Variants in KRAS observed in about 807,000 individuals in gnomAD.
The protein encoded by KRAS is KRas proto-oncogene, GTPase, also known as GTPase KRas.
Under a neutral mutation model 21.0 loss-of-function variants are expected in KRAS, and 1 was observed. The ratio of observed to expected loss-of-function variants is 0.05; its 90% CI spans 0.02 to 0.23. The LOEUF (loss-of-function observed/expected upper bound fraction) is 0.23, where lower values mean the gene tolerates loss of function less well. Ranked by LOEUF, KRAS falls within the 10% of genes least tolerant of loss-of-function variation. The pLI is 1.00. For missense variants in KRAS, 107 were observed against 221.8 expected, an observed-to-expected ratio of 0.48 and a Z score of 3.29; for synonymous variants, 67 against 72.5, an observed-to-expected ratio of 0.92 and a Z score of 0.39.
intron 2 of KRAS, among the ~76,000 whole-genome samples, chr12:25,242,936 G>A (rs886758978): frequency 2.0e-5 from 3 of 152,036 alleles, no homozygotes; most frequent in African/African-American, 7.2e-5. Context: ...CTATCTCTTA[G>A]TGTAAATTTT....
chr12:25,248,872 G>A (rs1030895881), intron 1 of KRAS, among the ~76,000 whole-genome samples: 3 of 152,180 alleles, frequency 2.0e-5, no homozygotes, highest in Non-Finnish European at 4.4e-5. Flanking sequence ...GATGGCTACA[G>A]TCTCAAAGTA....
At chr12:25,226,400 AAC>A (rs1245026777) in intron 3 of KRAS, among the ~76,000 whole-genome samples, 2 of 152,204 alleles carry the variant, frequency 1.3e-5, no homozygotes, top group Admixed American at 6.6e-5. Flanking sequence ...CAGAGCAGAC[AAC>A]AGAGTCAGAA....
chr12:25,210,976 A>G (rs1951195515), intron 4 of KRAS: 1 of 152,190 alleles, frequency 6.6e-6, no homozygotes, highest in Non-Finnish European at 1.5e-5. Context: ...AAATATAAAT[A>G]AAAGCAAAAA....
At chr12:25,222,352 AGAAGCATG>A (rs1816635170) in intron 4 of KRAS, among the ~76,000 whole-genome samples, 1 of 152,130 alleles carries the variant, frequency 6.6e-6, no homozygotes, top group South Asian at 2.1e-4. Context: ...AAAGTCTTCC[AGAAGCATG>A]CAAATATCAA....
chr12:25,239,811 G>A (rs1951589413), intron 2 of KRAS, among the ~76,000 whole-genome samples: 1 of 152,034 alleles, frequency 6.6e-6, no homozygotes, highest in Non-Finnish European at 1.5e-5. Flanking sequence ...AAAGTAATTG[G>A]GTGTGGTGGT....
intron 4 of KRAS, among the ~76,000 whole-genome samples, chr12:25,213,409 A>C (rs566482623): frequency 7.4e-4 from 112 of 152,368 alleles, no homozygotes; most frequent in South Asian, 1.9e-3. Context: ...GTTATTTAAA[A>C]TGTGTAACTT....
At chr12:25,216,894 T>C (rs930939142) in intron 4 of KRAS, among the ~76,000 whole-genome samples, 12 of 152,178 alleles carry the variant, frequency 7.9e-5, no homozygotes, top group African/African-American at 2.9e-4. Context: ...AATTAAAAGA[T>C]GTAATATTAT....
At position 25,213,817 on chromosome 12, in the gene KRAS, A is replaced by G. The variant is rs186794910; in HGVS notation, c.451-3906T>C. Among the ~76,000 whole-genome samples the G allele has an allele frequency of 1.2e-4, 18 of 152,348 alleles. No individual in the cohort carries two copies. The East Asian group carries it at 2.9e-3, about 24-fold the overall frequency. On this transcript the variant is annotated intron_variant, in intron 4 of 4. Coordinates refer to ENST00000311936, the MANE Select transcript of KRAS (RefSeq NM_004985.5). ...CTTAAGCTCTGCCATGAACTTTATG[A>G]TACCTAGTGAAGTATTTTCTGAGCA...
rs1367198683 is a variant in KRAS, at chr12:25,205,775, C to T, written c.*4020G>A. 4.6e-6 allele frequency: 1 copy of T among 218,008 alleles called. No individual in the cohort carries two copies. Among genetic ancestry groups the T allele is most frequent in the Non-Finnish European group, 9.2e-6 (1 of 108,588 alleles). The allele number at this position is 218,008 out of a possible 1,614,324, so 13.5% of individuals were successfully genotyped here. A position where few individuals can be genotyped will look rare whatever the true frequency, so the allele number is the denominator to read the frequency against. On this transcript the variant is annotated 3_prime_UTR_variant, in exon 5 of 5. Transcript: ENST00000311936. ...CTAAATTACCTATCATTATCCCAAA[C>T]AGGCACTTCAAACTATTAAACTAAA...
chr12:25,224,183 TAAAAAA>T (rs5797121), intron 4 of KRAS, among the ~76,000 whole-genome samples: 1 of 79,712 alleles, frequency 1.3e-5, no homozygotes, highest in Non-Finnish European at 2.4e-5. Flanking sequence ...TCCTATTTAC[TAAAAAA>T]AAAAAAAAAA....
intron 1 of KRAS, among the ~76,000 whole-genome samples, chr12:25,249,300 G>A (rs1449266600): frequency 6.6e-6 from 1 of 152,192 alleles, no homozygotes; most frequent in Non-Finnish European, 1.5e-5. Context: ...GGGAGGCTGA[G>A]GCAGGAGAAT....
intron 2 of KRAS, among the ~76,000 whole-genome samples, chr12:25,240,116 C>G (rs1471007004): frequency 6.6e-6 from 1 of 152,048 alleles, no homozygotes; most frequent in Non-Finnish European, 1.5e-5. Flanking sequence ...CTCAGCCTCC[C>G]AAAGTGCTAA....
chr12:25,221,234 C>CTT (rs34499686), intron 4 of KRAS, among the ~76,000 whole-genome samples: 24 of 138,884 alleles, frequency 1.7e-4, no homozygotes, highest in South Asian at 9.1e-4. Context: ...CAGCCACAGC[C>CTT]TTTTTTTTTT....
intron 4 of KRAS, among the ~76,000 whole-genome samples, chr12:25,214,899 T>C (rs1442499754): frequency 6.6e-6 from 1 of 152,136 alleles, no homozygotes; most frequent in African/African-American, 2.4e-5. Flanking sequence ...CATCCTAAAA[T>C]TCCCAGGTTT....
chr12:25,235,518 G>C (rs1030807536), intron 2 of KRAS, among the ~76,000 whole-genome samples: 1 of 152,100 alleles, frequency 6.6e-6, no homozygotes, highest in Admixed American at 6.5e-5. Context: ...ACATTATATA[G>C]TTTCTGACCT....
intron 2 of KRAS, among the ~76,000 whole-genome samples, chr12:25,243,912 C>T (rs746655214): frequency 7.2e-5 from 11 of 152,150 alleles, no homozygotes; most frequent in Non-Finnish European, 1.3e-4. Flanking sequence ...TTAGACTGTT[C>T]CCCTTTACTG....
chr12:25,242,572 C>T lies in KRAS; in HGVS notation c.111+2702G>A, dbSNP rs1051771220. ...AGATAACAATATATACTTCACAATA[C>T]AAGTAAAGGTGATTATGTGCACAGC... is the stretch of plus-strand genomic sequence containing the variant. On this transcript the variant is annotated intron_variant, in intron 2 of 4. Transcript: ENST00000311936. Among the ~76,000 whole-genome samples the T allele has an allele frequency of 3.9e-5, 6 of 152,056 alleles. No individual in the cohort carries two copies. The South Asian group carries it at 6.2e-4, about 16-fold the overall frequency.
At chr12:25,232,086 A>G (rs575506719) in intron 2 of KRAS, among the ~76,000 whole-genome samples, 8 of 152,194 alleles carry the variant, frequency 5.3e-5, no homozygotes, top group African/African-American at 1.7e-4. Context: ...TTTGGTTGGG[A>G]AAAAAACGTG....
intron 4 of KRAS, among the ~76,000 whole-genome samples, chr12:25,216,363 C>A (rs1951256039): frequency 6.6e-6 from 1 of 152,156 alleles, no homozygotes; most frequent in Non-Finnish European, 1.5e-5. Context: ...GCAGCCTCGA[C>A]CTCCCAGGCT....
Sources: allele counts gnomAD v4.1 joint callset (sites outside exome capture counted in the v4.1 genomes callset), GRCh38; gene constraint gnomAD v4.1.1; transcripts MANE v1.5; gene names NCBI Gene and HGNC (gene_info 2026-07-23, HGNC 2026-07-21).